Variants in SUN3 observed in about 807,000 individuals in gnomAD.
SUN3 encodes the protein SUN domain-containing protein 3.
In SUN3, 36 loss-of-function variants were observed where a neutral mutation model predicts 48.2. That is an observed-to-expected ratio of 0.75 (90% CI 0.57 to 0.99). The LOEUF is 0.99. Among genes scored for constraint, SUN3 ranks in the 50% least tolerant of loss-of-function variants. SUN3 has a pLI of 0.00. For synonymous variants in SUN3, 148 were observed against 147.9 expected (o/e 1.00, Z 0.00); for missense variants, 419 against 433.1 (o/e 0.97, Z 0.29).
intron 2 of SUN3, among the ~76,000 whole-genome samples, chr7:48,017,995 A>C (rs1789860559): frequency 6.6e-6 from 1 of 152,226 alleles, no homozygotes; most frequent in African/African-American, 2.4e-5. Flanking sequence ...CTCTTTCTGG[A>C]AAAAGGGCTC....
intron 2 of SUN3, among the ~76,000 whole-genome samples, chr7:48,023,842 G>T (rs1375112555): frequency 1.3e-5 from 2 of 152,180 alleles, no homozygotes. Context: ...CAGATTCAAA[G>T]TAATCTTTAT....
At chr7:48,020,750 G>A (rs898668802) in intron 2 of SUN3, among the ~76,000 whole-genome samples, 1 of 151,852 alleles carries the variant, frequency 6.6e-6, no homozygotes, top group African/African-American at 2.4e-5. Flanking sequence ...TCTCTACAAC[G>A]AAAACTATAA....
At chr7:47,999,137 C>A (rs1206185964) in intron 6 of SUN3, among the ~76,000 whole-genome samples, 2 of 152,118 alleles carry the variant, frequency 1.3e-5, no homozygotes, top group Admixed American at 1.3e-4. Context: ...ACATGGTATA[C>A]TTGTCCATTT....
intron 2 of SUN3, among the ~76,000 whole-genome samples, chr7:48,022,816 C>T (rs1424263700): frequency 6.6e-6 from 1 of 152,028 alleles, no homozygotes; most frequent in East Asian, 1.9e-4. Context: ...GTTGGATTAT[C>T]ACCTGATTTT....
intron 3 of SUN3, among the ~76,000 whole-genome samples, chr7:48,012,715 G>C (rs1392636739): frequency 6.6e-6 from 1 of 152,198 alleles, no homozygotes; most frequent in Non-Finnish European, 1.5e-5. Context: ...ACTCACAACT[G>C]TGATCACTGT....
intron 6 of SUN3, among the ~76,000 whole-genome samples, chr7:48,005,199 A>C (rs1026322892): frequency 3.3e-5 from 5 of 152,174 alleles, no homozygotes; most frequent in African/African-American, 7.2e-5. Flanking sequence ...AAAAATCCCA[A>C]CTATGGTTCG....
chr7:48,012,441 C>T (rs1226639647), intron 3 of SUN3, among the ~76,000 whole-genome samples: 2 of 151,376 alleles, frequency 1.3e-5, no homozygotes, highest in Non-Finnish European at 2.9e-5. Context: ...AGCTTTATGC[C>T]TTGGAACATG....
intron 3 of SUN3, among the ~76,000 whole-genome samples, chr7:48,009,955 C>A (rs1197339774): frequency 6.6e-6 from 1 of 152,102 alleles, no homozygotes; most frequent in Non-Finnish European, 1.5e-5. Flanking sequence ...TTAGCTCATC[C>A]TGCTGTGTGT....
chr7:48,026,988 C>T (rs962647338), intron 1 of SUN3, among the ~76,000 whole-genome samples: 13 of 152,128 alleles, frequency 8.5e-5, no homozygotes, highest in African/African-American at 3.1e-4. Flanking sequence ...CATCTTATGC[C>T]CTTATCAACC....
upstream of SUN3, among the ~76,000 whole-genome samples, chr7:48,029,683 G>T: frequency 6.6e-6 from 1 of 152,220 alleles, no homozygotes; most frequent in Middle Eastern, 3.4e-3. Flanking sequence ...CTCATTGCAC[G>T]TTGTTATATG....
chr7:48,009,168 T>C, intron 3 of SUN3, 93 bp from the exon 4 acceptor site: 1 of 1,256,706 alleles, frequency 8.0e-7, no homozygotes. Context: ...AAATAGCACA[T>C]TGACTCCTGA....
intron 8 of SUN3, 159 bp downstream of exon 8, chr7:47,994,156 A>G (rs1031804298): frequency 1.7e-6 from 1 of 577,966 alleles, no homozygotes; most frequent in Non-Finnish European, 2.9e-6. Context: ...AATATAAATC[A>G]TTTGGTCCAA....
At chr7:47,994,107 T>C (rs537748111) in intron 8 of SUN3, among the ~76,000 whole-genome samples, 221 of 152,216 alleles carry the variant, frequency 1.5e-3, no homozygotes, top group Non-Finnish European at 2.4e-3. Flanking sequence ...ATTTGATTTT[T>C]ACTTATACAT....
chr7:48,028,822 C>T lies in SUN3; in HGVS notation c.117G>A (p.Ala39=), dbSNP rs758044845. The change falls in exon 1 of 10, where the codon GCG becomes GCA. Residue 39 remains alanine (A), a synonymous_variant. Coordinates refer to ENST00000297325, the MANE Select transcript of SUN3 (RefSeq NM_001030019.2). ...GTTCTGCCATGTTTACCTACCCATT[C>T]GCATCAGGATTTTCGTCCTCTGATA... The part of the protein sequence containing the change: ...ALLSEDENPD[A]NGVTRSWKII... The T allele has an allele frequency of 8.1e-6, 13 of 1,613,568 alleles. No individual in the cohort carries two copies. The highest frequency in any genetic ancestry group is 1.6e-4 in the Middle Eastern group (1 of 6,076).
chr7:48,005,943 C>G, intron 6 of SUN3, 26 bp downstream of exon 6: 1 of 1,452,956 alleles, frequency 6.9e-7, no homozygotes, highest in South Asian at 1.2e-5. Context: ...TTTTAATGTT[C>G]CTCTTTTCAC....
upstream of SUN3, among the ~76,000 whole-genome samples, chr7:48,030,284 A>C (rs958531494): frequency 7.9e-5 from 12 of 152,208 alleles, no homozygotes; most frequent in African/African-American, 2.9e-4. Flanking sequence ...AGAAACCCCC[A>C]AGTTTCTACT....
intron 3 of SUN3, among the ~76,000 whole-genome samples, chr7:48,014,751 A>G (rs929132156): frequency 6.6e-6 from 1 of 152,200 alleles, no homozygotes; most frequent in Admixed American, 6.5e-5. Flanking sequence ...AACCAAGCCA[A>G]TGTATATATA....
chr7:48,003,815 A>G (rs968029902), intron 6 of SUN3, among the ~76,000 whole-genome samples: 3 of 152,170 alleles, frequency 2.0e-5, no homozygotes, highest in Non-Finnish European at 4.4e-5. Context: ...GGCTGAGACT[A>G]TGGGGTTTTC....
Position 47,987,386 on chromosome 7 carries a change from TCGGGTGTC to T in SUN3, c.1010_1017del (p.Gly337GlufsTer40). On this transcript the variant is annotated frameshift_variant, in exon 10 of 10. Transcript: ENST00000297325. LOFTEE classifies it high-confidence loss of function. Reference sequence around the variant, plus strand: ...CTGAATCGATATAAACAAGTATACTTCGGGTGTCCCCAGTTGCTAAAGATATTAAGTTT... The same window carrying T: ...CTGAATCGATATAAACAAGTATACTTCCCAGTTGCTAAAGATATTAAGTTT... The T allele has an allele frequency of 6.2e-7, 1 of 1,611,110 alleles. No homozygotes were observed. Among genetic ancestry groups the T allele is most frequent in the Non-Finnish European group, 8.5e-7 (1 of 1,178,320 alleles).
Sources: allele counts gnomAD v4.1 joint callset (sites outside exome capture counted in the v4.1 genomes callset), GRCh38; gene constraint gnomAD v4.1.1; transcripts MANE v1.5; gene names NCBI Gene and HGNC (gene_info 2026-07-23, HGNC 2026-07-21).